Variants in CCDC7 observed in about 807,000 individuals in gnomAD.
The protein encoded by CCDC7 is coiled-coil domain containing 7, also known as coiled-coil domain-containing protein 7.
In CCDC7, 183 loss-of-function variants were observed where a neutral mutation model predicts 196.9. That is an observed-to-expected ratio of 0.93 (90% confidence interval 0.82 to 1.05). The LOEUF is 1.05. Among genes scored for constraint, CCDC7 ranks in the 50% least tolerant of loss-of-function variants. CCDC7 has a pLI of 0.00. For missense variants in CCDC7, 1,540 were observed against 1,482.2 expected, an observed-to-expected ratio of 1.04 and a Z score of -0.64; for synonymous variants, 525 against 484.6, an observed-to-expected ratio of 1.08 and a Z score of -1.10.
intron 28 of CCDC7, among the ~76,000 whole-genome samples, chr10:32,771,609 A>G (rs572772346): frequency 6.6e-6 from 1 of 152,334 alleles, no homozygotes; most frequent in Non-Finnish European, 1.5e-5. Flanking sequence ...CTGATGGGGC[A>G]TGTCTGCAAG....
chr10:32,853,247 A>G (rs958211412), intron 40 of CCDC7, among the ~76,000 whole-genome samples: 5 of 152,162 alleles, frequency 3.3e-5, no homozygotes, highest in African/African-American at 1.2e-4. Flanking sequence ...AAAGAGGAGA[A>G]TAAAATTAAT....
chr10:32,456,036 G>C (rs2034266034), intron 2 of CCDC7, among the ~76,000 whole-genome samples: 1 of 152,124 alleles, frequency 6.6e-6, no homozygotes, highest in South Asian at 2.1e-4. Context: ...ATATGTCACT[G>C]ATGGGCCACT....
chr10:32,765,553 T>C (rs1038138283), intron 28 of CCDC7, among the ~76,000 whole-genome samples: 12 of 152,172 alleles, frequency 7.9e-5, no homozygotes, highest in African/African-American at 2.2e-4. Flanking sequence ...AAGAGGCCAA[T>C]TAGAAGCTAC....
At chr10:32,700,571 G>C (rs946132064) in intron 24 of CCDC7, among the ~76,000 whole-genome samples, 4 of 152,174 alleles carry the variant, frequency 2.6e-5, no homozygotes, top group Non-Finnish European at 5.9e-5. Context: ...CTTTAAAGTA[G>C]TTTACTCCAA....
intron 20 of CCDC7, among the ~76,000 whole-genome samples, chr10:32,654,807 G>A (rs1463403787): frequency 6.6e-6 from 1 of 152,178 alleles, no homozygotes; most frequent in Non-Finnish European, 1.5e-5. Flanking sequence ...CCTGTGCACA[G>A]CCCTACATAT....
intron 40 of CCDC7, 31 bp from the exon 42 acceptor site, chr10:32,854,369 T>C: frequency 8.1e-7 from 1 of 1,239,212 alleles, no homozygotes; most frequent in Non-Finnish European, 1.2e-6. Flanking sequence ...ATTTACCACA[T>C]AATTTAATAA....
intron 18 of CCDC7, among the ~76,000 whole-genome samples, chr10:32,606,623 T>G (rs2138566409): frequency 6.6e-6 from 1 of 152,318 alleles, no homozygotes; most frequent in African/African-American, 2.4e-5. Flanking sequence ...GGAGATTATT[T>G]TGGAGCTTTA....
At position 32,846,289 on chromosome 10, in the gene CCDC7, C is replaced by T. The variant is rs74128949; in HGVS notation, c.3605-87C>T. Reference sequence around the variant, plus strand: ...ATTGGTGAAATTCTTCATGAATATCCTTCTATAATTAGTTAAACACACACG... The same window carrying T: ...ATTGGTGAAATTCTTCATGAATATCTTTCTATAATTAGTTAAACACACACG... On this transcript the variant is annotated intron_variant, in intron 36 of 41. Coordinates refer to ENST00000639629, the Ensembl canonical transcript of CCDC7. 3 of 763,072 alleles carry T rather than the reference C, an allele frequency of 3.9e-6. No homozygotes were observed. The African/African-American group carries it at 5.3e-5, about 13-fold the overall frequency. 47.3% of individuals were successfully genotyped at this position (763,072 alleles called of 1,614,324 possible). A position where few individuals can be genotyped will look rare whatever the true frequency, so the allele number is the denominator to read the frequency against.
intron 33 of CCDC7, 55 bp from the exon 35 acceptor site, chr10:32,845,188 A>G: frequency 9.3e-7 from 1 of 1,074,112 alleles, no homozygotes; most frequent in Non-Finnish European, 1.4e-6. Context: ...ACACATACTC[A>G]GATTTGGTAA....
rs3035173 is a variant in CCDC7, at chr10:32,874,753, TACACACAC to T, written c.4112-1570_4112-1563del. Among the ~76,000 whole-genome samples, 121 of 145,344 alleles carry T rather than the reference TACACACAC, an allele frequency of 8.3e-4. 1 individual carries two copies. The Middle Eastern group carries it at 0.014, about 17-fold the overall frequency. On this transcript the variant is annotated intron_variant, in intron 41 of 41. Transcript: ENST00000639629. ...ATATATACACACACACCAACATATC[TACACACAC>T]ACACACACACACACACACACACATA...
At chr10:32,454,074 A>G (rs188264412) in intron 2 of CCDC7, among the ~76,000 whole-genome samples, 1 of 152,308 alleles carries the variant, frequency 6.6e-6, no homozygotes, top group East Asian at 1.9e-4. Flanking sequence ...TCTCAAAAAC[A>G]TTAGGATGTG....
At chr10:32,583,359 A>G (rs2058927136) in intron 17 of CCDC7, 52 bp downstream of exon 18, 4 of 1,105,926 alleles carry the variant, frequency 3.6e-6, no homozygotes, top group Non-Finnish European at 3.4e-6. Context: ...TGCTCCTTCA[A>G]TAAATAAATG....
intron 28 of CCDC7, among the ~76,000 whole-genome samples, chr10:32,751,016 A>G (rs565004526): frequency 6.6e-6 from 1 of 152,250 alleles, no homozygotes; most frequent in South Asian, 2.1e-4. Flanking sequence ...AATCATTGCC[A>G]CAGTTGCCAT....
chr10:32,667,196 G>A lies in CCDC7; in HGVS notation c.2122+3035G>A, dbSNP rs1394601002. ...TGAGAAGTGTCTGTTCATATCCTTT[G>A]CCCACTTTTTGATAGGTTTGTTTGA... On this transcript the variant is annotated intron_variant, in intron 21 of 41. Transcript: ENST00000639629. 7.9e-5 allele frequency among the ~76,000 whole-genome samples: 12 copies of A among 152,174 alleles called. No homozygotes were observed. The East Asian group carries it at 2.3e-3, about 29-fold the overall frequency.
At chr10:32,573,830 T>A (rs908126692) in intron 16 of CCDC7, among the ~76,000 whole-genome samples, 2 of 152,190 alleles carry the variant, frequency 1.3e-5, no homozygotes, top group African/African-American at 4.8e-5. Context: ...TGACTGAGCA[T>A]CTATGCTGTG....
chr10:32,822,371 A>G (rs2090401981), intron 31 of CCDC7, among the ~76,000 whole-genome samples: 1 of 152,192 alleles, frequency 6.6e-6, no homozygotes. Context: ...GATTGGAGGG[A>G]GAAGTGATGT....
At chr10:32,571,657 A>G (rs1224075492) in intron 15 of CCDC7, among the ~76,000 whole-genome samples, 3 of 152,104 alleles carry the variant, frequency 2.0e-5, no homozygotes, top group Non-Finnish European at 4.4e-5. Flanking sequence ...ATTTAGAAAT[A>G]TAAGTGTAAT....
intron 20 of CCDC7, among the ~76,000 whole-genome samples, chr10:32,638,471 G>C (rs1206755012): frequency 6.6e-6 from 1 of 152,150 alleles, no homozygotes; most frequent in Non-Finnish European, 1.5e-5. Context: ...GGCCTCTTCT[G>C]CATCTATTGA....
intron 18 of CCDC7, among the ~76,000 whole-genome samples, chr10:32,587,267 A>T (rs1306091399): frequency 6.6e-6 from 1 of 152,118 alleles, no homozygotes; most frequent in Non-Finnish European, 1.5e-5. Context: ...CAGACTGGCT[A>T]ATATAAAGAA....
Sources: allele counts gnomAD v4.1 joint callset (sites outside exome capture counted in the v4.1 genomes callset), GRCh38; gene constraint gnomAD v4.1.1; transcripts MANE v1.5; gene names NCBI Gene and HGNC (gene_info 2026-07-23, HGNC 2026-07-21).